Variants in ADGRL2 observed in about 807,000 individuals in gnomAD.
The protein encoded by ADGRL2 is adhesion G protein-coupled receptor L2.
A neutral mutation model predicts 157.4 loss-of-function variants in ADGRL2; 44 were observed. That is an observed-to-expected ratio of 0.28 (90% CI 0.22 to 0.36). The LOEUF (loss-of-function observed/expected upper bound fraction) is 0.36. Among genes scored for constraint, ADGRL2 ranks in the 10% least tolerant of loss-of-function variants. The pLI is 1.00. For missense variants in ADGRL2, 1,510 were observed against 1,768.9 expected (o/e 0.85, Z 2.63); for synonymous variants, 585 against 624.7 (o/e 0.94, Z 0.95).
chr1:81,470,076 G>A (rs538556992), intron 2 of ADGRL2, among the ~76,000 whole-genome samples: 5 of 152,288 alleles, frequency 3.3e-5, no homozygotes, highest in South Asian at 2.1e-4. Flanking sequence ...TTAGAAACAC[G>A]TGTTCCTTAA....
intron 5 of ADGRL2, among the ~76,000 whole-genome samples, chr1:81,942,314 A>G (rs2148943282): frequency 6.6e-6 from 1 of 151,678 alleles, no homozygotes; most frequent in Admixed American, 6.6e-5. Flanking sequence ...ACCCTTGGAT[A>G]TTTTCTTATA....
chr1:81,465,095 T>C (rs933434554), intron 2 of ADGRL2, among the ~76,000 whole-genome samples: 2 of 151,830 alleles, frequency 1.3e-5, no homozygotes, highest in African/African-American at 4.8e-5. Flanking sequence ...TTCAGCTACG[T>C]TGTTTAGATC....
chr1:81,934,391 A>G lies in ADGRL2; in HGVS notation c.288-2337A>G, dbSNP rs149694298. The stretch of plus-strand genomic sequence containing the variant: ...GACATTGAGAAACATACAGTAAAAG[A>G]TCTCTAAGCCTGTACTAGTTATATT... On this transcript the variant is annotated intron_variant, in intron 3 of 23. Transcript: ENST00000686636. 9.2e-5 allele frequency among the ~76,000 whole-genome samples: 14 copies of G among 152,152 alleles called. No individual in the cohort carries two copies. In the East Asian group the frequency reaches 2.3e-3, roughly 25 times the overall value.
At chr1:81,412,125 T>C (rs1422438047) in intron 1 of ADGRL2, among the ~76,000 whole-genome samples, 1 of 152,102 alleles carries the variant, frequency 6.6e-6, no homozygotes, top group African/African-American at 2.4e-5. Flanking sequence ...ACAGTTACTA[T>C]CCCCGGTTGA....
At chr1:81,403,664 GT>G (rs1284026590) in intron 1 of ADGRL2, among the ~76,000 whole-genome samples, 1 of 152,020 alleles carries the variant, frequency 6.6e-6, no homozygotes, top group African/African-American at 2.4e-5. Flanking sequence ...GGAAAAATGG[GT>G]TTAAAATTTA....
chr1:81,552,758 T>C (rs767984494), intron 2 of ADGRL2, among the ~76,000 whole-genome samples: 4 of 152,180 alleles, frequency 2.6e-5, no homozygotes, highest in Non-Finnish European at 5.9e-5. Flanking sequence ...AAGCATTTAA[T>C]TTCTCTAATA....
intron 2 of ADGRL2, among the ~76,000 whole-genome samples, chr1:81,544,674 G>T (rs903635677): frequency 6.6e-6 from 1 of 152,222 alleles, no homozygotes; most frequent in Middle Eastern, 3.4e-3. Context: ...TGCTAGGAAG[G>T]GCACACATAG....
At chr1:81,553,515 T>C (rs1299608062) in intron 2 of ADGRL2, among the ~76,000 whole-genome samples, 1 of 152,136 alleles carries the variant, frequency 6.6e-6, no homozygotes, top group Non-Finnish European at 1.5e-5. Flanking sequence ...TATTAGAGGG[T>C]ACTGTTGTTT....
intron 1 of ADGRL2, among the ~76,000 whole-genome samples, chr1:81,355,941 T>C (rs1299950326): frequency 2.0e-5 from 3 of 152,182 alleles, no homozygotes; most frequent in Non-Finnish European, 4.4e-5. Context: ...GAAAAAAATG[T>C]GTTCTTACTC....
chr1:81,505,581 A>T (rs1332098583), intron 2 of ADGRL2, among the ~76,000 whole-genome samples: 2 of 150,354 alleles, frequency 1.3e-5, no homozygotes, highest in Non-Finnish European at 2.9e-5. Flanking sequence ...TGCCCCCACG[A>T]GTGGGGCCTT....
intron 2 of ADGRL2, among the ~76,000 whole-genome samples, chr1:81,556,093 C>G (rs1428302272): frequency 6.6e-6 from 1 of 151,976 alleles, no homozygotes; most frequent in East Asian, 1.9e-4. Context: ...CTACACTAAC[C>G]CAAGACATTT....
chr1:81,736,858 T>C (rs558585170), intron 1 of ADGRL2, among the ~76,000 whole-genome samples: 21 of 152,192 alleles, frequency 1.4e-4, no homozygotes, highest in African/African-American at 4.3e-4. Flanking sequence ...TTTTTGAGAC[T>C]GAGTCTCACT....
At chr1:81,446,847 T>C (rs1161511359) in intron 2 of ADGRL2, among the ~76,000 whole-genome samples, 1 of 152,192 alleles carries the variant, frequency 6.6e-6, no homozygotes, top group African/African-American at 2.4e-5. Context: ...AGTGGAGATA[T>C]CATTTGTTAT....
intron 2 of ADGRL2, chr1:81,503,459 G>C (rs1406079179): frequency 1.2e-6 from 2 of 1,611,914 alleles, no homozygotes; most frequent in Non-Finnish European, 1.7e-6. Flanking sequence ...TCCACCAGCT[G>C]GTCCCTCTGA....
intron 1 of ADGRL2, chr1:81,426,615 C>T: frequency 2.1e-6 from 1 of 476,348 alleles, no homozygotes; most frequent in East Asian, 5.7e-5. Flanking sequence ...TTTAAGAGAA[C>T]ATTTGGAAAA....
chr1:81,561,829 G>C (rs1242540434), intron 2 of ADGRL2, among the ~76,000 whole-genome samples: 6 of 152,046 alleles, frequency 3.9e-5, no homozygotes, highest in Admixed American at 1.3e-4. Context: ...AACAATTACT[G>C]CTCTATGTCC....
intron 3 of ADGRL2, among the ~76,000 whole-genome samples, chr1:81,687,532 C>T (rs1346788292): frequency 1.3e-5 from 2 of 152,090 alleles, no homozygotes; most frequent in Non-Finnish European, 2.9e-5. Context: ...TTATGTAAGT[C>T]CTTAAGTGTT....
chr1:81,675,580 T>C (rs1176768683), intron 3 of ADGRL2, among the ~76,000 whole-genome samples: 1 of 152,018 alleles, frequency 6.6e-6, no homozygotes, highest in Non-Finnish European at 1.5e-5. Context: ...CTGTTTTTTT[T>C]TTTTTTTCTT....
intron 2 of ADGRL2, among the ~76,000 whole-genome samples, chr1:81,532,890 C>T (rs921915847): frequency 1.3e-5 from 2 of 151,972 alleles, no homozygotes; most frequent in Admixed American, 1.3e-4. Flanking sequence ...AACCACTGAA[C>T]TGTAGTCTGG....
Sources: allele counts gnomAD v4.1 joint callset (sites outside exome capture counted in the v4.1 genomes callset), GRCh38; gene constraint gnomAD v4.1.1; transcripts MANE v1.5; gene names NCBI Gene and HGNC (gene_info 2026-07-23, HGNC 2026-07-21).